SLC36A3: variants seen among roughly 807,000 people sequenced by gnomAD.
SLC36A3 encodes proton-coupled amino acid transporter 3.
In SLC36A3, 35 loss-of-function variants were observed where a neutral mutation model predicts 44.3. The observed-to-expected ratio is 0.79, with a 90% CI of 0.60 to 1.05. The LOEUF is 1.05. Among genes scored for constraint, SLC36A3 ranks in the 50% least tolerant of loss-of-function variants. The probability of loss-of-function intolerance (pLI) is 0.00; values close to 1 mark genes in which losing one functional copy is unlikely to be tolerated. For synonymous variants in SLC36A3, 211 were observed against 227.6 expected, an observed-to-expected ratio of 0.93 and a Z score of 0.66; for missense variants, 540 against 578.7, an observed-to-expected ratio of 0.93 and a Z score of 0.69.
chr5:151,292,875 T>C (rs1754809213), intron 4 of SLC36A3, among the ~76,000 whole-genome samples: 1 of 151,972 alleles, frequency 6.6e-6, no homozygotes, highest in Non-Finnish European at 1.5e-5. Flanking sequence ...TCCCAGCTAC[T>C]CAGGAGGCTG....
chr5:151,300,425 G>A (rs1185199762), intron 1 of SLC36A3, among the ~76,000 whole-genome samples: 1 of 152,152 alleles, frequency 6.6e-6, no homozygotes, highest in Non-Finnish European at 1.5e-5. Flanking sequence ...GGATGGGGGG[G>A]TGGGCACCCA....
At chr5:151,298,446 TCCAGGGGATTGATG>T in intron 2 of SLC36A3, 133 bp downstream of exon 2, 2 of 733,200 alleles carry the variant, frequency 2.7e-6, no homozygotes, top group Non-Finnish European at 4.5e-6. Flanking sequence ...CCAGGTTGAC[TCCAGGGGATTGATG>T]CCAACAGGCA....
Position 151,296,193 on chromosome 5 carries a change from GTTGA to G in SLC36A3, c.291_294del (p.Gln98ThrfsTer11). The G allele has an allele frequency of 6.2e-7, 1 of 1,614,152 alleles. No individual in the cohort carries two copies. Among genetic ancestry groups the G allele is most frequent in the Non-Finnish European group, 8.5e-7 (1 of 1,180,024 alleles). On this transcript the variant is annotated frameshift_variant, in exon 3 of 10. Coordinates refer to ENST00000335230, the MANE Select transcript of SLC36A3 (RefSeq NM_181774.4). LOFTEE classifies it high-confidence loss of function. ...CAGGCCTCTGACCTCTGGCTGAGGTGTTGAGCACAGTTCAACAGGATGACCATGC... is the reference window on the plus strand; with the variant it reads ...CAGGCCTCTGACCTCTGGCTGAGGTGGCACAGTTCAACAGGATGACCATGC...
rs1755240167 is a variant in SLC36A3, at chr5:151,303,625, C to A, written c.-271G>T. On this transcript the variant is annotated 5_prime_UTR_variant, in exon 1 of 10. Transcript: ENST00000335230. ...TGGTCCTCAGTTTCACTCGCAATTG[C>A]TTGCCCAACCAGGACTTGCCTGGGC... 5.3e-6 allele frequency: 2 copies of A among 375,120 alleles called. No homozygotes were observed. Among genetic ancestry groups the A allele is most frequent in the Admixed American group, 4.2e-5 (1 of 23,826 alleles). 23.2% of individuals were successfully genotyped at this position (375,120 alleles called of 1,614,324 possible).
intron 3 of SLC36A3, among the ~76,000 whole-genome samples, chr5:151,294,862 C>T (rs185078067): frequency 2.6e-5 from 4 of 152,138 alleles, no homozygotes; most frequent in Admixed American, 2.0e-4. Flanking sequence ...CTCCTGACCT[C>T]AGGTGGTCTG....
Position 151,284,632 on chromosome 5 carries a change from G to GTGAA in SLC36A3, c.784_787dup (p.Thr263IlefsTer4). 6.2e-7 allele frequency: 1 copy of GTGAA among 1,611,780 alleles called. No individual in the cohort carries two copies. On this transcript the variant is annotated frameshift_variant, in exon 7 of 10. Coordinates refer to ENST00000335230, the MANE Select transcript of SLC36A3 (RefSeq NM_181774.4). LOFTEE classifies it high-confidence loss of function. ...TCTTACCATACCGACGCCTTCAAAT[G>GTGAA]TGAAGATGGCTGTACCAAAGAACAG...
chr5:151,288,852 A>C (rs1205651711), intron 4 of SLC36A3: 3 of 152,676 alleles, frequency 2.0e-5, no homozygotes, highest in Non-Finnish European at 2.9e-5. Context: ...TGAGGTCAGG[A>C]GTTCAAGACC....
intron 6 of SLC36A3, among the ~76,000 whole-genome samples, chr5:151,286,532 C>G (rs553998276): frequency 1.3e-5 from 2 of 152,098 alleles, no homozygotes; most frequent in Non-Finnish European, 2.9e-5. Flanking sequence ...GCTTAAGCAA[C>G]CCTCCCACCT....
chr5:151,293,412 A>T lies in SLC36A3; in HGVS notation c.356T>A (p.Leu119His). The T allele has an allele frequency of 1.9e-6, 3 of 1,613,924 alleles. No homozygotes were observed. Among genetic ancestry groups the T allele is most frequent in the Non-Finnish European group, 2.5e-6 (3 of 1,179,886 alleles). The part of the protein sequence containing the change: ...VNYGEATMYG[L>H]ETCPNTWLRA... ...CAGCCAGGTGTTCGGGCAGGTTTCA[A>T]GGCCGTACATCGTGGCCTCTCCATA... The change falls in exon 4 of 10, where the codon CTT becomes CAT. Residue 119 changes from leucine (L) to histidine (H), a missense_variant. By Grantham distance (99) the Leu-to-His change is moderately conservative (BLOSUM62 -3). Coordinates refer to ENST00000335230, the MANE Select transcript of SLC36A3 (RefSeq NM_181774.4).
intron 8 of SLC36A3, among the ~76,000 whole-genome samples, chr5:151,282,995 C>T (rs554488029): frequency 8.6e-5 from 13 of 151,940 alleles, no homozygotes; most frequent in African/African-American, 2.9e-4. Flanking sequence ...AGCAATTCTT[C>T]TGCCTCAGCC....
At chr5:151,296,792 T>C (rs1355577573) in intron 2 of SLC36A3, 1 of 155,426 alleles carries the variant, frequency 6.4e-6, no homozygotes, top group Non-Finnish European at 1.4e-5. Flanking sequence ...TGTCAGAGAC[T>C]CTTCCCCCAG....
chr5:151,302,655 G>A (rs1336461325), intron 1 of SLC36A3, among the ~76,000 whole-genome samples: 2 of 151,950 alleles, frequency 1.3e-5, no homozygotes, highest in African/African-American at 2.4e-5. Context: ...TGGGTTGATA[G>A]GTACAGCAAA....
rs1372309288 is a variant in SLC36A3, at chr5:151,299,264, C to CTCTCTCTA, written c.129-582_129-581insTAGAGAGA. Among the ~76,000 whole-genome samples, 75 of 59,648 alleles carry CTCTCTCTA rather than the reference C, an allele frequency of 1.3e-3. 1 individual carries two copies. The highest frequency in any genetic ancestry group is 2.0e-3 in the Non-Finnish European group (65 of 32,014). 39.1% of individuals were successfully genotyped at this position (59,648 alleles called of 152,430 possible). A position where few individuals can be genotyped will look rare whatever the true frequency, so the allele number is the denominator to read the frequency against. ...TCTCTCTCTCTCTCTCTCTCTCTCT[C>CTCTCTCTA]TATATATATATATATATATATATAT... On this transcript the variant is annotated intron_variant, in intron 1 of 9. Transcript: ENST00000335230.
rs182505639 is a variant in SLC36A3 at position 151,301,901 on chromosome 5, C to T, written c.128+1326G>A. Among the ~76,000 whole-genome samples the T allele has an allele frequency of 4.7e-3, 723 of 152,238 alleles. 1 individual carries two copies. Among genetic ancestry groups the T allele is most frequent in the Admixed American group, 8.1e-3 (124 of 15,294 alleles). On this transcript the variant is annotated intron_variant, in intron 1 of 9. Coordinates refer to ENST00000335230, the MANE Select transcript of SLC36A3 (RefSeq NM_181774.4). ...AGTGCTTTGATAAAAATTATGCACT[C>T]TTGTGCTATTATTTCATCAGAAAAA... is the stretch of plus-strand genomic sequence containing the variant.
In SLC36A3 at chr5:151,298,580, A is replaced by C; in HGVS notation, c.219+13T>G. 1 of 1,613,852 alleles carries C rather than the reference A, an allele frequency of 6.2e-7. No homozygotes were observed. The highest frequency in any genetic ancestry group is 8.5e-7 in the Non-Finnish European group (1 of 1,179,734). Reference sequence around the variant, plus strand: ...TGAGCAAACCTAGTTCCCATCCCACAGATGCCTCTTACCAACAAGCCGGCA... The same window carrying C: ...TGAGCAAACCTAGTTCCCATCCCACCGATGCCTCTTACCAACAAGCCGGCA... On this transcript the variant is annotated intron_variant, in intron 2 of 9. Coordinates refer to ENST00000335230, the MANE Select transcript of SLC36A3 (RefSeq NM_181774.4).
At chr5:151,277,776 G>T in intron 9 of SLC36A3, 115 bp from the exon 10 acceptor site, 1 of 1,327,284 alleles carries the variant, frequency 7.5e-7, no homozygotes. Context: ...GTGGGAGGGA[G>T]CCTACTGCAG....
chr5:151,287,302 A>G lies in SLC36A3; in HGVS notation c.652T>C (p.Leu218=), dbSNP rs1754572007. 5.0e-6 allele frequency: 8 copies of G among 1,614,070 alleles called. No homozygotes were observed. The highest frequency in any genetic ancestry group is 1.3e-5 in the African/African-American group (1 of 74,920). The change falls in exon 6 of 10, where the codon TTG becomes CTG. Residue 218 remains leucine (L), a synonymous_variant. Transcript: ENST00000335230. ...NLKVLSVFST[L]ANITTLGSMA... is the part of the protein sequence containing the mutation. Reference sequence around the variant, plus strand: ...CTCCCAAGGGTGGTGATGTTGGCCAATGTCGAGAAGACGGACAGCACCTTG... The same window carrying G: ...CTCCCAAGGGTGGTGATGTTGGCCAGTGTCGAGAAGACGGACAGCACCTTG...
intron 5 of SLC36A3, 101 bp from the exon 6 acceptor site, chr5:151,287,565 A>G: frequency 9.1e-7 from 1 of 1,099,930 alleles, no homozygotes; most frequent in Non-Finnish European, 1.3e-6. Context: ...TTTAGTATAA[A>G]TATGCCCCAA....
At chr5:151,284,493 A>G (rs1754454717) in intron 7 of SLC36A3, 120 bp downstream of exon 7, 1 of 800,704 alleles carries the variant, frequency 1.2e-6, no homozygotes, top group Non-Finnish European at 2.0e-6. Flanking sequence ...CTTTCCCTTC[A>G]CCAGGAGAAG....
Sources: allele counts gnomAD v4.1 joint callset (sites outside exome capture counted in the v4.1 genomes callset), GRCh38; gene constraint gnomAD v4.1.1; transcripts MANE v1.5; gene names NCBI Gene and HGNC (gene_info 2026-07-23, HGNC 2026-07-21).